Variants in CCSAP observed in about 807,000 individuals in gnomAD.
The protein encoded by CCSAP is centriole, cilia and spindle associated protein, also known as centriole, cilia and spindle-associated protein.
CCSAP carries 17 observed loss-of-function variants against 25.9 expected under a neutral mutation model. The ratio of observed to expected loss-of-function variants is 0.66; its 90% CI spans 0.45 to 0.99. The LOEUF is 0.99. CCSAP is among the 50% of genes least tolerant of loss of function. The pLI, the probability that CCSAP is intolerant of heterozygous loss-of-function variation, is 0.00. For synonymous variants in CCSAP, 169 were observed against 157.1 expected (o/e 1.08, Z -0.57); for missense variants, 339 against 367.8 (o/e 0.92, Z 0.64).
At position 229,323,441 on chromosome 1, in the gene CCSAP, C is replaced by T. The variant is rs1455395331; in HGVS notation, c.*1794G>A. The stretch of plus-strand genomic sequence containing the variant: ...ACACAAGCCTGAGCTGGATGACTAA[C>T]ACCGAACATGCAAGAAGCGACTTTA... On this transcript the variant is annotated 3_prime_UTR_variant, in exon 4 of 4. Coordinates refer to ENST00000284617, the MANE Select transcript of CCSAP (RefSeq NM_145257.5). The T allele has an allele frequency of 6.6e-6, 1 of 152,210 alleles. No individual in the cohort carries two copies. Among genetic ancestry groups the T allele is most frequent in the Admixed American group, 6.5e-5 (1 of 15,278 alleles). 9.4% of individuals were successfully genotyped at this position (152,210 alleles called of 1,614,324 possible).
chr1:229,331,872 A>G (rs955779528), intron 2 of CCSAP, among the ~76,000 whole-genome samples: 3 of 150,316 alleles, frequency 2.0e-5, no homozygotes. Flanking sequence ...CTGGAGTGCA[A>G]TGGCGCGATC....
intron 2 of CCSAP, among the ~76,000 whole-genome samples, chr1:229,341,425 T>G (rs1658330958): frequency 6.6e-6 from 1 of 152,140 alleles, no homozygotes; most frequent in African/African-American, 2.4e-5. Flanking sequence ...TGCAAGCCTC[T>G]GGGCAGGAAA....
intron 2 of CCSAP, among the ~76,000 whole-genome samples, chr1:229,328,819 G>A (rs759694523): frequency 1.3e-5 from 2 of 152,200 alleles, no homozygotes; most frequent in South Asian, 2.1e-4. Context: ...CTTCAGTGAT[G>A]ACCTTGACTC....
chr1:229,335,327 G>T (rs1400236352), intron 2 of CCSAP, among the ~76,000 whole-genome samples: 3 of 147,410 alleles, frequency 2.0e-5, no homozygotes. Flanking sequence ...TCAAAAGAAA[G>T]AAAAAAAAAA....
chr1:229,325,602 CT>C (rs1441205192), intron 3 of CCSAP, among the ~76,000 whole-genome samples, 191 bp from the exon 4 acceptor site: 13 of 152,312 alleles, frequency 8.5e-5, no homozygotes, highest in African/African-American at 3.1e-4. Context: ...GCTGTTCTCA[CT>C]TGATTCATAT....
chr1:229,325,150 G>T lies in CCSAP; in HGVS notation c.*85C>A. ...TAATCAGTTGGTTTCTTAAACCTGTGTCCGTTTCTTTTGATGGTTTTTGTT... is the reference window on the plus strand; with the variant it reads ...TAATCAGTTGGTTTCTTAAACCTGTTTCCGTTTCTTTTGATGGTTTTTGTT... On this transcript the variant is annotated 3_prime_UTR_variant, in exon 4 of 4. Coordinates refer to ENST00000284617, the MANE Select transcript of CCSAP (RefSeq NM_145257.5). 7.5e-7 allele frequency: 1 copy of T among 1,340,596 alleles called. No homozygotes were observed. Among genetic ancestry groups the T allele is most frequent in the Non-Finnish European group, 1.0e-6 (1 of 986,196 alleles). 83.0% of individuals were successfully genotyped at this position (1,340,596 alleles called of 1,614,324 possible). A position where few individuals can be genotyped will look rare whatever the true frequency, so the allele number is the denominator to read the frequency against.
Position 229,342,122 on chromosome 1 carries a change from T to C in CCSAP, c.344A>G (p.Asp115Gly), listed in dbSNP as rs1658349005. ...ACCTGGCAGAGCCGCGTCCTCCGCG[T>C]CCTCGGCCTCCGCGTCCCCGGCCTC... The part of the protein sequence containing the change: ...DAEAGDAEAE[D>G]AEDAALPALP... The change falls in exon 2 of 4, where the codon GAC becomes GGC. Residue 115 changes from aspartate to glycine, a missense_variant. Physicochemically the swap from Asp to Gly is moderately conservative, Grantham distance 94. Transcript: ENST00000284617. This position sits in a 1 kb window ranked among gnomAD's most constrained non-coding sequence, Gnocchi z 7.5. 2.2e-6 allele frequency: 3 copies of C among 1,343,326 alleles called. No individual in the cohort carries two copies. Among genetic ancestry groups the C allele is most frequent in the Middle Eastern group, 2.0e-4 (1 of 5,110 alleles). 83.2% of individuals were successfully genotyped at this position (1,343,326 alleles called of 1,614,324 possible). A position where few individuals can be genotyped will look rare whatever the true frequency, so the allele number is the denominator to read the frequency against.
chr1:229,337,717 A>ATATATATATATATATT, intron 2 of CCSAP, among the ~76,000 whole-genome samples: 1 of 58,786 alleles, frequency 1.7e-5, no homozygotes, highest in Admixed American at 1.8e-4. Context: ...ATATATATAT[A>ATATATATATATATATT]TGTATATATA....
chr1:229,326,852 CGAT>C lies in CCSAP; in HGVS notation c.519_521del (p.Ser175del), dbSNP rs775341392. 7 of 1,614,048 alleles carry C rather than the reference CGAT, an allele frequency of 4.3e-6. No individual in the cohort carries two copies. In the South Asian group the frequency reaches 7.7e-5, roughly 18 times the overall value. ...GATGCTTGTTTTCTTTTATTTTACT[CGAT>C]GATCTTTGGGGACTTTTGACCGCTT... On this transcript the variant is annotated inframe_deletion, in exon 3 of 4. Coordinates refer to ENST00000284617, the MANE Select transcript of CCSAP (RefSeq NM_145257.5).
At chr1:229,331,540 T>C (rs1007129293) in intron 2 of CCSAP, among the ~76,000 whole-genome samples, 1 of 152,094 alleles carries the variant, frequency 6.6e-6, no homozygotes, top group Non-Finnish European at 1.5e-5. Context: ...CTAACTCCCA[T>C]AGCCCCTGTT....
intron 2 of CCSAP, 161 bp from the exon 3 acceptor site, chr1:229,327,167 C>A: frequency 1.7e-6 from 1 of 597,174 alleles, no homozygotes; most frequent in Non-Finnish European, 2.7e-6. Context: ...AACAAGTTAG[C>A]ATAATTTTCA....
At position 229,321,837 on chromosome 1, in the gene CCSAP, A is replaced by C. The variant is rs1218220054; in HGVS notation, c.*3398T>G. On this transcript the variant is annotated 3_prime_UTR_variant, in exon 4 of 4. Coordinates refer to ENST00000284617, the MANE Select transcript of CCSAP (RefSeq NM_145257.5). Reference sequence around the variant, plus strand: ...CATCCATGGATTCAACCAAATACAAATTGAAAATATTTGGGGGCAAAAAGG... The same window carrying C: ...CATCCATGGATTCAACCAAATACAACTTGAAAATATTTGGGGGCAAAAAGG... 6.6e-6 allele frequency: 1 copy of C among 152,264 alleles called. No individual in the cohort carries two copies. Among genetic ancestry groups the C allele is most frequent in the African/African-American group, 2.4e-5 (1 of 41,474 alleles). 9.4% of individuals were successfully genotyped at this position (152,264 alleles called of 1,614,324 possible). A position where few individuals can be genotyped will look rare whatever the true frequency, so the allele number is the denominator to read the frequency against.
chr1:229,334,761 T>C (rs929386322), intron 2 of CCSAP, among the ~76,000 whole-genome samples: 1 of 152,166 alleles, frequency 6.6e-6, no homozygotes. Context: ...AGGTTAAATA[T>C]GCACTAAAAA....
At position 229,321,125 on chromosome 1, in the gene CCSAP, G is replaced by A. The variant is rs1657808659; in HGVS notation, c.*4110C>T. On this transcript the variant is annotated 3_prime_UTR_variant, in exon 4 of 4. Coordinates refer to ENST00000284617, the MANE Select transcript of CCSAP (RefSeq NM_145257.5). ...ACAACCCCGAATTATTGTGTGGCCTGGGCTTTGTGATTATGTGCCCAGCCT... is the reference window on the plus strand; with the variant it reads ...ACAACCCCGAATTATTGTGTGGCCTAGGCTTTGTGATTATGTGCCCAGCCT... 2 of 152,172 alleles carry A rather than the reference G, an allele frequency of 1.3e-5. No individual in the cohort carries two copies. Among genetic ancestry groups the A allele is most frequent in the Admixed American group, 1.3e-4 (2 of 15,270 alleles). The allele number at this position is 152,172 out of a possible 1,614,324, so 9.4% of individuals were successfully genotyped here.
intron 2 of CCSAP, among the ~76,000 whole-genome samples, chr1:229,328,242 C>T (rs1259309455): frequency 2.6e-5 from 4 of 152,150 alleles, no homozygotes; most frequent in African/African-American, 9.6e-5. Context: ...GTTGTTTAGG[C>T]CACAGGAGAC....
chr1:229,342,407 C>T lies in CCSAP; in HGVS notation c.59G>A (p.Trp20Ter). 6.8e-7 allele frequency: 1 copy of T among 1,461,572 alleles called. No individual in the cohort carries two copies. Among genetic ancestry groups the T allele is most frequent in the Non-Finnish European group, 9.1e-7 (1 of 1,101,472 alleles). The allele number at this position is 1,461,572 out of a possible 1,614,324, so 90.5% of individuals were successfully genotyped here. ...EYMKRYQEPR[W>*]EEYGPCYREL... The stretch of plus-strand genomic sequence containing the variant: ...GCGGTAGCACGGCCCGTACTCCTCC[C>T]AGCGCGGCTCCTGGTAGCGCTTCAT... The change falls in exon 2 of 4, where the codon TGG becomes TAG. Residue 20 changes from tryptophan to a stop codon, truncating the protein, a stop_gained. Transcript: ENST00000284617. LOFTEE classifies it high-confidence loss of function. The surrounding 1 kb of genome is among the most constrained non-coding windows in gnomAD (Gnocchi z 7.5).
intron 2 of CCSAP, among the ~76,000 whole-genome samples, chr1:229,327,990 C>T (rs889099928): frequency 2.0e-5 from 3 of 152,176 alleles, no homozygotes; most frequent in Non-Finnish European, 2.9e-5. Flanking sequence ...GGGGAACCCC[C>T]GGTGGTGAAT....
At chr1:229,330,823 C>T (rs1480247949) in intron 2 of CCSAP, among the ~76,000 whole-genome samples, 1 of 139,344 alleles carries the variant, frequency 7.2e-6, no homozygotes, top group African/African-American at 2.8e-5. Flanking sequence ...CCAGCCTGGG[C>T]AACTCCATCT....
chr1:229,339,795 T>C (rs1658286950), intron 2 of CCSAP, among the ~76,000 whole-genome samples: 1 of 152,138 alleles, frequency 6.6e-6, no homozygotes. Context: ...TGGGTCAGCT[T>C]TGAGTAACTT....
Sources: gnomAD v4.1 joint callset for allele counts (sites outside exome capture counted in the v4.1 genomes callset) on GRCh38, gnomAD v4.1.1 for gene constraint, Gnocchi (gnomAD v3.1) non-coding constraint, MANE v1.5 for transcripts, NCBI Gene and HGNC (gene_info 2026-07-23, HGNC 2026-07-21) for gene names.